The following SLC23A2 variants were observed in gnomAD, a reference collection of about 807,000 sequenced individuals.
The protein encoded by SLC23A2 is Na(+)/L-ascorbic acid transporter 2.
In SLC23A2, 36 loss-of-function variants were observed where a neutral mutation model predicts 73.3. The observed-to-expected ratio is 0.49, with a 90% CI of 0.38 to 0.65. The LOEUF (loss-of-function observed/expected upper bound fraction) is 0.65, where lower values mean the gene tolerates loss of function less well. SLC23A2 is among the 30% of genes least tolerant of loss of function. The probability of loss-of-function intolerance (pLI) is 0.00; values close to 1 mark genes in which losing one functional copy is unlikely to be tolerated. For synonymous variants in SLC23A2, 343 were observed against 327.3 expected (o/e 1.05, Z -0.52); for missense variants, 507 against 841.6 (o/e 0.60, Z 4.92).
upstream of SLC23A2, among the ~76,000 whole-genome samples, chr20:5,005,226 A>G (rs909050749): frequency 1.3e-5 from 2 of 151,940 alleles, no homozygotes; most frequent in African/African-American, 2.4e-5. Flanking sequence ...AAATGTATAT[A>G]AAGTGCTTAT....
Position 4,994,510 on chromosome 20 carries a change from T to C in SLC23A2, c.-282+6896A>G, listed in dbSNP as rs111803165. Among the ~76,000 whole-genome samples the C allele has an allele frequency of 8.6e-3, 1,310 of 152,140 alleles. 22 individuals carry two copies. The highest frequency in any genetic ancestry group is 0.028 in the African/African-American group (1,181 of 41,508). On this transcript the variant is annotated intron_variant, in intron 1 of 16. Transcript: ENST00000338244. ...TGTATAAGAAATTGTGTTGGCCAGG[T>C]GCGGCGGCTCACACCTGTAATCTCA...
intron 1 of SLC23A2, among the ~76,000 whole-genome samples, chr20:5,007,312 C>A (rs1007654018): frequency 6.6e-6 from 1 of 152,170 alleles, no homozygotes; most frequent in Admixed American, 6.5e-5. Flanking sequence ...AGGTGGACCA[C>A]TTGAGGTCAG....
rs140107013 is a variant in SLC23A2 at position 4,868,440 on chromosome 20, C to T, written c.1251-565G>A. On this transcript the variant is annotated intron_variant, in intron 12 of 16. Coordinates refer to ENST00000338244, the MANE Select transcript of SLC23A2 (RefSeq NM_005116.6). This position sits in a 1 kb window ranked among gnomAD's most constrained non-coding sequence, Gnocchi z 4.4. Reference sequence around the variant, plus strand: ...TTGAGAAGCACATCTCTAAATCACACGTTAGATTTGAGTGTTTTTAAATCA... The same window carrying T: ...TTGAGAAGCACATCTCTAAATCACATGTTAGATTTGAGTGTTTTTAAATCA... Among the ~76,000 whole-genome samples the T allele has an allele frequency of 3.2e-4, 49 of 152,236 alleles. No individual in the cohort carries two copies. The highest frequency in any genetic ancestry group is 1.0e-3 in the African/African-American group (42 of 41,550).
chr20:4,874,725 CA>C, intron 9 of SLC23A2, 29 bp from the exon 10 acceptor site: 1 of 1,555,670 alleles, frequency 6.4e-7, no homozygotes, highest in Non-Finnish European at 8.7e-7. Context: ...CAAACTAGGT[CA>C]AAAGCTGTTA....
chr20:4,913,650 G>A (rs189616488), intron 3 of SLC23A2, among the ~76,000 whole-genome samples: 45 of 151,988 alleles, frequency 3.0e-4, no homozygotes, highest in African/African-American at 1.1e-3. Context: ...TTTTTGAGAC[G>A]ATGTCGCGCT....
intron 13 of SLC23A2, 122 bp downstream of exon 13, chr20:4,867,648 A>AT: frequency 2.6e-5 from 11 of 426,810 alleles, no homozygotes; most frequent in Non-Finnish European, 3.7e-5. Context: ...AAAAAAAAAA[A>AT]GGAGAGAAGT....
chr20:4,985,242 G>A (rs2087805847), intron 1 of SLC23A2, among the ~76,000 whole-genome samples: 1 of 151,586 alleles, frequency 6.6e-6, no homozygotes, highest in Non-Finnish European at 1.5e-5. Context: ...ACAAAAACTT[G>A]TATTCAAATG....
In SLC23A2 at chr20:4,892,265, C is replaced by A. The variant is rs182065194; in HGVS notation, c.483-6356G>T. Among the ~76,000 whole-genome samples, 385 of 152,178 alleles carry A rather than the reference C, an allele frequency of 2.5e-3. 3 individuals carry two copies. The highest frequency in any genetic ancestry group is 8.8e-3 in the African/African-American group (366 of 41,534). ...TGGTCTACCTTATCTCGGCTCACTG[C>A]AACCTCTGCCTCTCGGGTTCAAGGG... is the stretch of plus-strand genomic sequence containing the variant. On this transcript the variant is annotated intron_variant, in intron 6 of 16. Coordinates refer to ENST00000338244, the MANE Select transcript of SLC23A2 (RefSeq NM_005116.6).
intron 3 of SLC23A2, among the ~76,000 whole-genome samples, chr20:4,917,796 G>A (rs1932379306): frequency 1.3e-5 from 2 of 152,034 alleles, no homozygotes; most frequent in Admixed American, 1.3e-4. Flanking sequence ...AATAAGACGG[G>A]GACACCAGCT....
intron 13 of SLC23A2, among the ~76,000 whole-genome samples, chr20:4,864,106 G>A (rs1329492435): frequency 6.6e-6 from 1 of 152,186 alleles, no homozygotes; most frequent in African/African-American, 2.4e-5. Flanking sequence ...GCCTCTTGCA[G>A]GAAAACACCC....
At chr20:4,953,143 T>C (rs2087229407) in intron 2 of SLC23A2, among the ~76,000 whole-genome samples, 1 of 151,706 alleles carries the variant, frequency 6.6e-6, no homozygotes, top group African/African-American at 2.4e-5. Context: ...CCGTCTCTAC[T>C]AAAAACACAA....
At chr20:4,974,845 T>C (rs998450982) in intron 1 of SLC23A2, among the ~76,000 whole-genome samples, 1 of 152,216 alleles carries the variant, frequency 6.6e-6, no homozygotes, top group East Asian at 1.9e-4. Flanking sequence ...TGGAGTGCAG[T>C]AGCGTGATCT....
At chr20:4,914,247 A>G in intron 3 of SLC23A2, among the ~76,000 whole-genome samples, 1 of 151,998 alleles carries the variant, frequency 6.6e-6, no homozygotes, top group East Asian at 1.9e-4. Flanking sequence ...GATCCAATTC[A>G]TCCCTGAGAG....
chr20:4,861,930 TA>T lies in SLC23A2; in HGVS notation c.1624+17del. ...TGGTTCCAGCTCCCACTCCAAGATGTAAAGCCCATTTCCTCACCTGTGACCA... is the reference window on the plus strand; with the variant it reads ...TGGTTCCAGCTCCCACTCCAAGATGTAAGCCCATTTCCTCACCTGTGACCA... On this transcript the variant is annotated intron_variant, in intron 15 of 16. Transcript: ENST00000338244. 1 of 1,613,142 alleles carries T rather than the reference TA, an allele frequency of 6.2e-7. No homozygotes were observed. Among genetic ancestry groups the T allele is most frequent in the Non-Finnish European group, 8.5e-7 (1 of 1,179,588 alleles).
intron 6 of SLC23A2, 78 bp from the exon 7 acceptor site, chr20:4,885,987 T>C: frequency 1.2e-6 from 1 of 868,480 alleles, no homozygotes; most frequent in Non-Finnish European, 1.8e-6. Context: ...AGCTTAACAG[T>C]CTTTTCCATA....
intron 2 of SLC23A2, among the ~76,000 whole-genome samples, chr20:4,956,462 T>A (rs1192223284): frequency 6.6e-6 from 1 of 152,194 alleles, no homozygotes; most frequent in African/African-American, 2.4e-5. Context: ...TTTTAAAAAC[T>A]TCTTCTGGAA....
At chr20:4,873,779 C>T in intron 11 of SLC23A2, 157 bp downstream of exon 11, 1 of 625,814 alleles carries the variant, frequency 1.6e-6, no homozygotes, top group South Asian at 2.2e-5. Context: ...CCTCTGGGGA[C>T]AGGGCCTCCC....
chr20:4,911,721 G>A (rs1344766038), intron 4 of SLC23A2, among the ~76,000 whole-genome samples: 1 of 152,068 alleles, frequency 6.6e-6, no homozygotes, highest in Non-Finnish European at 1.5e-5. Context: ...CCTCAGAGCT[G>A]CGATACAATT....
chr20:5,005,043 T>G (rs1318117308), upstream of SLC23A2, among the ~76,000 whole-genome samples: 1 of 114,296 alleles, frequency 8.7e-6, no homozygotes, highest in Non-Finnish European at 1.9e-5. Flanking sequence ...AAATAAAAAT[T>G]TAATAGCTAA....
Sources: allele counts gnomAD v4.1 joint callset (sites outside exome capture counted in the v4.1 genomes callset), GRCh38; gene constraint gnomAD v4.1.1; non-coding constraint Gnocchi (gnomAD v3.1); transcripts MANE v1.5; gene names NCBI Gene and HGNC (gene_info 2026-07-23, HGNC 2026-07-21).